The following VAV1 variants were observed in gnomAD, a reference collection of about 807,000 sequenced individuals.
VAV1 encodes proto-oncogene vav.
Under a neutral mutation model 128.1 loss-of-function variants are expected in VAV1, and 33 were observed. The ratio of observed to expected loss-of-function variants is 0.26; its 90% CI spans 0.20 to 0.34. The LOEUF is 0.34. Among genes scored for constraint, VAV1 ranks in the 10% least tolerant of loss-of-function variants. VAV1 has a pLI of 1.00. For synonymous variants in VAV1, 394 were observed against 409.8 expected, an observed-to-expected ratio of 0.96 and a Z score of 0.47; for missense variants, 715 against 1,093.7, an observed-to-expected ratio of 0.65 and a Z score of 4.88.
At chr19:6,818,340 G>A (rs72620535) in intron 1 of VAV1, among the ~76,000 whole-genome samples, 22,576 of 152,182 alleles carry the variant, frequency 0.15, 2,024 homozygotes, top group East Asian at 0.31. Flanking sequence ...AAAGTACCAC[G>A]AGCTTGGAGG....
chr19:6,847,762 C>A (rs576499508), intron 22 of VAV1, among the ~76,000 whole-genome samples: 1 of 152,288 alleles, frequency 6.6e-6, no homozygotes, highest in Admixed American at 6.5e-5. Flanking sequence ...GCCATCCCCC[C>A]GAATCCATGT....
intron 16 of VAV1, 93 bp from the exon 17 acceptor site, chr19:6,833,435 A>C (rs756654765): frequency 7.8e-6 from 11 of 1,412,634 alleles, no homozygotes; most frequent in Non-Finnish European, 1.1e-5. Flanking sequence ...TGATCTAAAG[A>C]GAACCCAAGG....
intron 1 of VAV1, among the ~76,000 whole-genome samples, chr19:6,804,850 A>G (rs1333223558): frequency 6.6e-6 from 1 of 151,436 alleles, no homozygotes; most frequent in Non-Finnish European, 1.5e-5. Flanking sequence ...CAGCCTCCCA[A>G]GTAGCTGGGA....
chr19:6,808,783 C>T (rs912293455), intron 1 of VAV1, among the ~76,000 whole-genome samples: 4 of 152,076 alleles, frequency 2.6e-5, no homozygotes, highest in African/African-American at 7.2e-5. Context: ...AGTAAATTGT[C>T]TGGGCAGATA....
intron 1 of VAV1, among the ~76,000 whole-genome samples, chr19:6,782,269 GTAGT>G (rs1352400632): frequency 1.3e-5 from 2 of 152,024 alleles, no homozygotes; most frequent in East Asian, 3.9e-4. Context: ...GGCGGAGGTT[GTAGT>G]GAGCCAAGAT....
chr19:6,781,304 T>C lies in VAV1; in HGVS notation c.204+8293T>C, dbSNP rs183450103. Among the ~76,000 whole-genome samples, 13 of 152,362 alleles carry C rather than the reference T, an allele frequency of 8.5e-5. No homozygotes were observed. The East Asian group carries it at 2.5e-3, about 29-fold the overall frequency. ...TTTGATAGATATTGCCAAATTGTTATCCGTCTGGGATTGTTTCCATATGAA... is the reference window on the plus strand; with the variant it reads ...TTTGATAGATATTGCCAAATTGTTACCCGTCTGGGATTGTTTCCATATGAA... On this transcript the variant is annotated intron_variant, in intron 1 of 26. Transcript: ENST00000602142.
intron 1 of VAV1, among the ~76,000 whole-genome samples, chr19:6,795,468 T>TTTTATTTA (rs56844379): frequency 0.17 from 25,753 of 151,006 alleles, 2,256 homozygotes; most frequent in African/African-American, 0.2. Flanking sequence ...GGCGTAGTTC[T>TTTTATTTA]TTTATTTATT....
intron 1 of VAV1, among the ~76,000 whole-genome samples, chr19:6,780,405 G>A (rs1970743707): frequency 6.7e-6 from 1 of 150,348 alleles, no homozygotes; most frequent in African/African-American, 2.4e-5. Context: ...TTTCACAGTT[G>A]TGTGAACATC....
In VAV1 at chr19:6,828,573, G is replaced by GA; in HGVS notation, c.1093-49_1093-48insA. 6.2e-7 allele frequency: 1 copy of GA among 1,613,754 alleles called. No individual in the cohort carries two copies. Among genetic ancestry groups the GA allele is most frequent in the Non-Finnish European group, 8.5e-7 (1 of 1,179,676 alleles). On this transcript the variant is annotated intron_variant, in intron 11 of 26. Transcript: ENST00000602142. This position sits in a 1 kb window ranked among gnomAD's most constrained non-coding sequence, Gnocchi z 4.5. ...ATCCTCTAGCCGGGATTAGGTAGGA[G>GA]CCTGGGTCGGCTGTTGGGGGGCCAG... is the stretch of plus-strand genomic sequence containing the variant.
At position 6,772,845 on chromosome 19, in the gene VAV1, A is replaced by G. The variant is rs777064585; in HGVS notation, c.38A>G (p.Gln13Arg). ...CGCCAATGCACCCACTGGCTCATCC[A>G]GTGCCGGGTGCTGCCGCCCAGCCAC... is the stretch of plus-strand genomic sequence containing the variant. ...LWRQCTHWLI[Q>R]CRVLPPSHRV... The change falls in exon 1 of 27, where the codon CAG (glutamine) becomes CGG (arginine). Residue 13 changes from glutamine to arginine, a missense_variant. Physicochemically the swap from Gln to Arg is conservative, Grantham distance 43. This residue lies in a region of VAV1 where 302 missense variants were observed against 477.8 expected (regional missense o/e 0.63). Transcript: ENST00000602142. This position sits in a 1 kb window ranked among gnomAD's most constrained non-coding sequence, Gnocchi z 4.8. The G allele has an allele frequency of 3.7e-6, 6 of 1,614,046 alleles. No homozygotes were observed. The highest frequency in any genetic ancestry group is 4.2e-6 in the Non-Finnish European group (5 of 1,179,960).
At chr19:6,823,978 T>C (rs1971855483) in intron 6 of VAV1, among the ~76,000 whole-genome samples, 1 of 151,762 alleles carries the variant, frequency 6.6e-6, no homozygotes, top group East Asian at 1.9e-4. Flanking sequence ...CACTCTCCCA[T>C]CCAGGCTGGA....
intron 1 of VAV1, among the ~76,000 whole-genome samples, chr19:6,799,207 G>A (rs915747763): frequency 1.3e-5 from 2 of 151,764 alleles, no homozygotes; most frequent in African/African-American, 2.4e-5. Flanking sequence ...TCGCTCTGTC[G>A]CCCAGGCTGG....
At position 6,820,957 on chromosome 19, in the gene VAV1, T is replaced by C; in HGVS notation, c.321+139T>C. 1 of 770,486 alleles carries C rather than the reference T, an allele frequency of 1.3e-6. No homozygotes were observed. Among genetic ancestry groups the C allele is most frequent in the South Asian group, 1.6e-5 (1 of 62,744 alleles). 47.7% of individuals were successfully genotyped at this position (770,486 alleles called of 1,614,324 possible). ...ATACAAGACGCAAATAGCACTGGCTTGGGATATGTGGAACTGGGTTTGAGT... is the reference window on the plus strand; with the variant it reads ...ATACAAGACGCAAATAGCACTGGCTCGGGATATGTGGAACTGGGTTTGAGT... On this transcript the variant is annotated intron_variant, in intron 2 of 26. Coordinates refer to ENST00000602142, the MANE Select transcript of VAV1 (RefSeq NM_005428.4). The surrounding 1 kb of genome is among the most constrained non-coding windows in gnomAD (Gnocchi z 4.4).
At chr19:6,782,436 G>A (rs1970787288) in intron 1 of VAV1, among the ~76,000 whole-genome samples, 1 of 152,120 alleles carries the variant, frequency 6.6e-6, no homozygotes, top group Non-Finnish European at 1.5e-5. Context: ...ACATGATAAG[G>A]TAAATGAAAT....
intron 22 of VAV1, among the ~76,000 whole-genome samples, chr19:6,846,580 T>C (rs915023977): frequency 6.7e-6 from 1 of 149,778 alleles, no homozygotes; most frequent in Non-Finnish European, 1.5e-5. Flanking sequence ...ATATATTATA[T>C]ATAATTATGT....
At position 6,798,276 on chromosome 19, in the gene VAV1, C is replaced by CA. The variant is rs983929736; in HGVS notation, c.205-22417dup. Among the ~76,000 whole-genome samples, 6 of 149,802 alleles carry CA rather than the reference C, an allele frequency of 4.0e-5. No homozygotes were observed. In the East Asian group the frequency reaches 5.9e-4, roughly 15 times the overall value. On this transcript the variant is annotated intron_variant, in intron 1 of 26. Transcript: ENST00000602142. ...TGGGCAACAGAGTGAGACTCTGTCT[C>CA]AAAAAAAAATATATGATTTGGTAAA...
Position 6,822,411 on chromosome 19 carries a change from G to A in VAV1, c.559-8G>A, listed in dbSNP as rs1202499973. The A allele has an allele frequency of 1.9e-6, 3 of 1,557,272 alleles. No homozygotes were observed. The highest frequency in any genetic ancestry group is 2.4e-5 in the East Asian group (1 of 41,542). On this transcript the variant is annotated splice_region_variant and splice_polypyrimidine_tract_variant and intron_variant, in intron 5 of 26. Transcript: ENST00000602142. This position sits in a 1 kb window ranked among gnomAD's most constrained non-coding sequence, Gnocchi z 5.9. ...CCCCCCAACACCGGCCTCTCCCCTC[G>A]CTCTCAGCCCAAGATGACAGAGTAT...
chr19:6,843,421 GATA>G (rs952931839), intron 22 of VAV1, among the ~76,000 whole-genome samples: 5 of 152,148 alleles, frequency 3.3e-5, no homozygotes, highest in African/African-American at 9.7e-5. Flanking sequence ...TGATGATGAT[GATA>G]ATGATGATGG....
At chr19:6,839,316 C>T (rs527433319) in intron 21 of VAV1, among the ~76,000 whole-genome samples, 1 of 151,706 alleles carries the variant, frequency 6.6e-6, no homozygotes, top group African/African-American at 2.4e-5. Flanking sequence ...ACATCCTTCT[C>T]TTTTTTCTTT....
Sources: allele counts gnomAD v4.1 joint callset (sites outside exome capture counted in the v4.1 genomes callset), GRCh38; gene constraint gnomAD v4.1.1; regional missense constraint gnomAD v4.1.1; non-coding constraint Gnocchi (gnomAD v3.1); transcripts MANE v1.5; gene names NCBI Gene and HGNC (gene_info 2026-07-23, HGNC 2026-07-21).